EYS: variants seen among roughly 807,000 people sequenced by gnomAD.
EYS encodes the protein EGF-like photoreceptor maintenance factor.
A neutral mutation model predicts 282.1 loss-of-function variants in EYS; 250 were observed. The ratio of observed to expected loss-of-function variants is 0.89; its 90% CI spans 0.80 to 0.98. EYS has a LOEUF of 0.98. Ranked by LOEUF, EYS falls within the 50% of genes least tolerant of loss-of-function variation. The pLI is 0.00. For synonymous variants in EYS, 1,355 were observed against 1,282.9 expected, an observed-to-expected ratio of 1.06 and a Z score of -1.20; for missense variants, 4,016 against 3,709.0, an observed-to-expected ratio of 1.08 and a Z score of -2.15.
At chr6:64,244,430 G>A (rs372513172) in intron 30 of EYS, among the ~76,000 whole-genome samples, 13 of 152,258 alleles carry the variant, frequency 8.5e-5, no homozygotes, top group African/African-American at 2.4e-4. Context: ...ATGCTTTTAA[G>A]AAGTTCCCTT....
At position 65,351,236 on chromosome 6, in the gene EYS, T is replaced by C. The variant is rs750028345; in HGVS notation, c.1459+2222A>G. On this transcript the variant is annotated intron_variant, in intron 9 of 42. Transcript: ENST00000503581. ...GCATTATCACACTGTTTCTTTTCCATTGGAAAGCCCAAGTCATTTAGATTC... is the reference window on the plus strand; with the variant it reads ...GCATTATCACACTGTTTCTTTTCCACTGGAAAGCCCAAGTCATTTAGATTC... 7.9e-5 allele frequency among the ~76,000 whole-genome samples: 12 copies of C among 151,892 alleles called. No individual in the cohort carries two copies. In the South Asian group the frequency reaches 1.0e-3, roughly 13 times the overall value.
chr6:64,100,054 C>T (rs1772773275), intron 31 of EYS, among the ~76,000 whole-genome samples: 1 of 151,974 alleles, frequency 6.6e-6, no homozygotes, highest in South Asian at 2.1e-4. Flanking sequence ...TTATTTGGAC[C>T]TTATTGTCTA....
chr6:64,899,730 G>T (rs985708089), intron 18 of EYS, among the ~76,000 whole-genome samples: 22 of 151,846 alleles, frequency 1.4e-4, no homozygotes, highest in African/African-American at 4.8e-4. Context: ...AAATAAGAAA[G>T]GACACAAAAA....
intron 13 of EYS, among the ~76,000 whole-genome samples, chr6:65,037,702 G>A (rs1456850014): frequency 6.6e-6 from 1 of 151,598 alleles, no homozygotes; most frequent in Non-Finnish European, 1.5e-5. Flanking sequence ...TAAGATTTAA[G>A]GAGTCGAATT....
In EYS at chr6:63,984,419, G is replaced by A; in HGVS notation, c.7019C>T (p.Ala2340Val). ...GCCATTGTTGCGGCACAGATGATGA[G>A]CACACCAAGGGACGTGGCAGTTCTC... ...NIENCHVPWCAHHLCRNNGTC... is the reference protein window; with the variant it reads ...NIENCHVPWCVHHLCRNNGTC... The change falls in exon 35 of 43, where the codon GCT (alanine) becomes GTT (valine). Residue 2340 changes from alanine (A) to valine (V), a missense_variant. Transcript: ENST00000503581. 6.5e-7 allele frequency: 1 copy of A among 1,549,458 alleles called. No homozygotes were observed. Among genetic ancestry groups the A allele is most frequent in the Non-Finnish European group, 8.7e-7 (1 of 1,145,448 alleles).
chr6:64,985,205 G>C (rs1008332346), intron 14 of EYS, among the ~76,000 whole-genome samples: 2 of 151,494 alleles, frequency 1.3e-5, no homozygotes, highest in African/African-American at 4.8e-5. Context: ...ATTTCCACAA[G>C]CCTGCGAAAG....
At chr6:64,355,555 C>T (rs1349037478) in intron 29 of EYS, among the ~76,000 whole-genome samples, 1 of 151,546 alleles carries the variant, frequency 6.6e-6, no homozygotes, top group Admixed American at 6.6e-5. Context: ...GAAACTGAAG[C>T]CCAGATTATT....
intron 19 of EYS, among the ~76,000 whole-genome samples, chr6:64,861,670 AT>A (rs1459673254): frequency 1.3e-5 from 2 of 152,024 alleles, no homozygotes; most frequent in Non-Finnish European, 2.9e-5. Flanking sequence ...TTTTAAATAA[AT>A]TTTTTCAAAG....
At chr6:65,633,869 T>C (rs1767002412) in intron 2 of EYS, among the ~76,000 whole-genome samples, 1 of 152,228 alleles carries the variant, frequency 6.6e-6, no homozygotes. Flanking sequence ...CCCGCTGCAA[T>C]GGCAAAGGTA....
chr6:64,807,191 CATG>C (rs945373346), intron 22 of EYS, among the ~76,000 whole-genome samples: 3 of 152,052 alleles, frequency 2.0e-5, no homozygotes, highest in African/African-American at 7.2e-5. Context: ...CAAGAATAGT[CATG>C]ATATCTGACT....
intron 37 of EYS, among the ~76,000 whole-genome samples, chr6:63,798,987 G>GTGTATATATA (rs1247104267): frequency 1.2e-4 from 10 of 85,752 alleles, no homozygotes; most frequent in Non-Finnish European, 1.7e-4. Context: ...GTATATGTGT[G>GTGTATATATA]TATATATATA....
At chr6:63,778,302 A>C in intron 39 of EYS, 122 bp from the exon 40 acceptor site, 2 of 1,049,408 alleles carry the variant, frequency 1.9e-6, no homozygotes, top group Non-Finnish European at 2.8e-6. Flanking sequence ...TGTAAATTTT[A>C]AAAGAAATAT....
chr6:64,600,968 C>T (rs1766743800), intron 24 of EYS, among the ~76,000 whole-genome samples: 1 of 152,058 alleles, frequency 6.6e-6, no homozygotes, highest in African/African-American at 2.4e-5. Context: ...TTCCAGAAAT[C>T]CTATTGTGCT....
At chr6:65,194,494 T>C (rs1048402324) in intron 12 of EYS, among the ~76,000 whole-genome samples, 1 of 152,020 alleles carries the variant, frequency 6.6e-6, no homozygotes, top group Non-Finnish European at 1.5e-5. Context: ...TAACTTATAC[T>C]TTTTTGCCTA....
At chr6:64,395,393 C>T (rs1356710739) in intron 28 of EYS, among the ~76,000 whole-genome samples, 4 of 152,028 alleles carry the variant, frequency 2.6e-5, no homozygotes, top group Non-Finnish European at 4.4e-5. Flanking sequence ...AAATGTCCAA[C>T]GATGATAGAC....
intron 2 of EYS, among the ~76,000 whole-genome samples, chr6:65,592,331 A>G (rs569303549): frequency 1.6e-4 from 24 of 152,102 alleles, no homozygotes; most frequent in Middle Eastern, 3.4e-3. Flanking sequence ...TGAATTTTAT[A>G]TATGTTAGAT....
At chr6:65,275,342 A>T (rs1232644758) in intron 12 of EYS, among the ~76,000 whole-genome samples, 1 of 152,166 alleles carries the variant, frequency 6.6e-6, no homozygotes, top group Non-Finnish European at 1.5e-5. Flanking sequence ...CCCATAATGA[A>T]TTAGATGTTA....
chr6:64,440,249 CT>C (rs1002777483), intron 26 of EYS, among the ~76,000 whole-genome samples: 71 of 152,040 alleles, frequency 4.7e-4, no homozygotes, highest in African/African-American at 1.5e-3. Flanking sequence ...CGAATCTGTA[CT>C]TTAAAACTTC....
At chr6:63,795,400 A>G (rs1342232476) in intron 37 of EYS, among the ~76,000 whole-genome samples, 1 of 152,214 alleles carries the variant, frequency 6.6e-6, no homozygotes, top group Non-Finnish European at 1.5e-5. Context: ...TGCTGCTATG[A>G]ATATTCTGAA....
Sources: allele counts gnomAD v4.1 joint callset (sites outside exome capture counted in the v4.1 genomes callset), GRCh38; gene constraint gnomAD v4.1.1; transcripts MANE v1.5; gene names NCBI Gene and HGNC (gene_info 2026-07-23, HGNC 2026-07-21).